The following NR6A1 variants were observed in gnomAD, a reference collection of about 807,000 sequenced individuals.
The protein encoded by NR6A1 is retinoic acid receptor-related testis-associated receptor.
A neutral mutation model predicts 59.1 loss-of-function variants in NR6A1; 7 were observed. That is an observed-to-expected ratio of 0.12 (90% CI 0.07 to 0.22). The LOEUF (loss-of-function observed/expected upper bound fraction) is 0.22, where lower values mean the gene tolerates loss of function less well. NR6A1 is among the 10% of genes least tolerant of loss of function. The pLI, the probability that NR6A1 is intolerant of heterozygous loss-of-function variation, is 1.00. For synonymous variants in NR6A1, 243 were observed against 236.1 expected (o/e 1.03, Z -0.27); for missense variants, 468 against 611.6 (o/e 0.77, Z 2.48).
At chr9:124,533,671 A>G (rs1207493077) in intron 7 of NR6A1, among the ~76,000 whole-genome samples, 1 of 147,954 alleles carries the variant, frequency 6.8e-6, no homozygotes, top group African/African-American at 2.5e-5. Flanking sequence ...TTTTTTTGAG[A>G]CGGAGTCTCG....
chr9:124,579,236 G>C (rs957930280), intron 2 of NR6A1, among the ~76,000 whole-genome samples: 3 of 152,114 alleles, frequency 2.0e-5, no homozygotes, highest in African/African-American at 7.3e-5. Flanking sequence ...TGGCTACATA[G>C]CAAGATCCTG....
intron 2 of NR6A1, among the ~76,000 whole-genome samples, chr9:124,732,234 C>T (rs889356652): frequency 1.3e-4 from 20 of 152,202 alleles, no homozygotes; most frequent in Non-Finnish European, 2.5e-4. Flanking sequence ...CAACAGCAGA[C>T]TGGTGGCAAA....
chr9:124,655,839 A>G (rs1047789258), intron 2 of NR6A1, among the ~76,000 whole-genome samples: 1 of 152,248 alleles, frequency 6.6e-6, no homozygotes, highest in Admixed American at 6.5e-5. Context: ...CATGATTTTA[A>G]GAATAGTCAA....
At chr9:124,574,109 C>G (rs762849525) in intron 2 of NR6A1, among the ~76,000 whole-genome samples, 3 of 152,190 alleles carry the variant, frequency 2.0e-5, no homozygotes, top group Non-Finnish European at 2.9e-5. Flanking sequence ...TTAACCTTTT[C>G]TCTCCACCAG....
intron 2 of NR6A1, among the ~76,000 whole-genome samples, chr9:124,655,527 G>A (rs1837233938): frequency 6.6e-6 from 1 of 152,114 alleles, no homozygotes. Flanking sequence ...AATAGGCCCT[G>A]TGCCTATACA....
At chr9:124,644,787 T>C (rs567339569) in intron 2 of NR6A1, among the ~76,000 whole-genome samples, 23 of 152,282 alleles carry the variant, frequency 1.5e-4, no homozygotes, top group Non-Finnish European at 3.2e-4. Flanking sequence ...TATGAAACAG[T>C]GTGTACCCCA....
intron 2 of NR6A1, among the ~76,000 whole-genome samples, chr9:124,605,750 C>T (rs889172264): frequency 1.3e-5 from 2 of 152,108 alleles, no homozygotes; most frequent in Non-Finnish European, 1.5e-5. Flanking sequence ...GTTAGCCCTT[C>T]GATGATGGTT....
intron 2 of NR6A1, among the ~76,000 whole-genome samples, chr9:124,717,365 A>G (rs1366234249): frequency 6.6e-6 from 1 of 152,238 alleles, no homozygotes; most frequent in Non-Finnish European, 1.5e-5. Context: ...AAACTATGGT[A>G]CGGTCAAAGG....
chr9:124,715,048 A>C (rs1032297356), intron 2 of NR6A1, among the ~76,000 whole-genome samples: 1 of 152,086 alleles, frequency 6.6e-6, no homozygotes, highest in African/African-American at 2.4e-5. Flanking sequence ...AAATAAAAAA[A>C]CTAGCTTGGC....
At chr9:124,562,336 T>C (rs953336379) in intron 2 of NR6A1, among the ~76,000 whole-genome samples, 6 of 152,334 alleles carry the variant, frequency 3.9e-5, no homozygotes, top group Admixed American at 3.3e-4. Context: ...CTGGTTACCA[T>C]AACTAAACAC....
At chr9:124,678,995 TG>T (rs933194550) in intron 2 of NR6A1, among the ~76,000 whole-genome samples, 1 of 152,106 alleles carries the variant, frequency 6.6e-6, no homozygotes, top group Admixed American at 6.5e-5. Context: ...GTAGGAGGTT[TG>T]CTTGGAAACT....
At chr9:124,709,130 GC>G (rs1394511929) in intron 2 of NR6A1, among the ~76,000 whole-genome samples, 1 of 152,114 alleles carries the variant, frequency 6.6e-6, no homozygotes, top group Non-Finnish European at 1.5e-5. Flanking sequence ...ATTAATCTAT[GC>G]CCCTGAGTTT....
At chr9:124,604,338 G>A (rs946025935) in intron 2 of NR6A1, among the ~76,000 whole-genome samples, 7 of 151,882 alleles carry the variant, frequency 4.6e-5, no homozygotes, top group Middle Eastern at 3.2e-3. Flanking sequence ...TCAGTGAAAG[G>A]CATCAACCAC....
Position 124,613,878 on chromosome 9 carries a change from C to T in NR6A1, c.143-59308G>A, listed in dbSNP as rs558217893. 6.0e-4 allele frequency among the ~76,000 whole-genome samples: 91 copies of T among 152,162 alleles called. 1 individual carries two copies. The South Asian group carries it at 0.018, about 31-fold the overall frequency. ...AAGTTTACAGATGGACTTCTGCCAC[C>T]CTAGCCAAGATGGAGTAATGGGGAC... On this transcript the variant is annotated intron_variant, in intron 2 of 9. Transcript: ENST00000487099.
At position 124,682,222 on chromosome 9, in the gene NR6A1, G is replaced by A. The variant is rs767294911; in HGVS notation, c.142+51086C>T. Among the ~76,000 whole-genome samples, 13 of 151,930 alleles carry A rather than the reference G, an allele frequency of 8.6e-5. No homozygotes were observed. In the East Asian group the frequency reaches 9.7e-4, roughly 11 times the overall value. On this transcript the variant is annotated intron_variant, in intron 2 of 9. Transcript: ENST00000487099. ...TCACCATGTCGGCCAGGCTGGTCTC[G>A]AACTCCTGACCTCAGATGATCCACC...
At chr9:124,530,116 AC>A (rs2131330390) in intron 7 of NR6A1, among the ~76,000 whole-genome samples, 1 of 152,248 alleles carries the variant, frequency 6.6e-6, no homozygotes, top group Non-Finnish European at 1.5e-5. Flanking sequence ...GGAGTGCCAA[AC>A]CTGTTCCTGG....
intron 2 of NR6A1, among the ~76,000 whole-genome samples, chr9:124,724,165 G>A (rs1839644487): frequency 1.3e-5 from 2 of 152,014 alleles, no homozygotes; most frequent in African/African-American, 2.4e-5. Context: ...CAGAGTGGGG[G>A]AAAACAAACA....
At chr9:124,651,716 T>C (rs1171216077) in intron 2 of NR6A1, among the ~76,000 whole-genome samples, 3 of 152,192 alleles carry the variant, frequency 2.0e-5, no homozygotes, top group Non-Finnish European at 2.9e-5. Context: ...ATTACATATC[T>C]AAAGAAATTA....
At chr9:124,581,790 G>T (rs527615819) in intron 2 of NR6A1, among the ~76,000 whole-genome samples, 1 of 152,032 alleles carries the variant, frequency 6.6e-6, no homozygotes, top group Non-Finnish European at 1.5e-5. Context: ...CTTCTCAAAA[G>T]AAGACATTTA....
Sources: gnomAD v4.1 joint callset for allele counts (sites outside exome capture counted in the v4.1 genomes callset) on GRCh38, gnomAD v4.1.1 for gene constraint, MANE v1.5 for transcripts, NCBI Gene and HGNC (gene_info 2026-07-23, HGNC 2026-07-21) for gene names.